The following CCSER1 variants were observed in gnomAD, a reference collection of about 807,000 sequenced individuals.
CCSER1 encodes coiled-coil serine rich protein 1.
Under a neutral mutation model 82.0 loss-of-function variants are expected in CCSER1, and 41 were observed. The observed-to-expected ratio is 0.50, with a 90% CI of 0.39 to 0.65. CCSER1 has a LOEUF of 0.65. Ranked by LOEUF, CCSER1 falls within the 30% of genes least tolerant of loss-of-function variation. The pLI, the probability that CCSER1 is intolerant of heterozygous loss-of-function variation, is 0.00. For synonymous variants in CCSER1, 414 were observed against 383.9 expected, an observed-to-expected ratio of 1.08 and a Z score of -0.92; for missense variants, 1,119 against 1,064.2, an observed-to-expected ratio of 1.05 and a Z score of -0.72.
At chr4:90,197,735 A>T (rs776164553) in intron 1 of CCSER1, among the ~76,000 whole-genome samples, 7 of 151,954 alleles carry the variant, frequency 4.6e-5, no homozygotes, top group Non-Finnish European at 8.8e-5. Context: ...AATCAAAACA[A>T]TTGAATACAG....
intron 10 of CCSER1, among the ~76,000 whole-genome samples, chr4:91,361,828 A>G (rs1361679834): frequency 6.6e-6 from 1 of 151,822 alleles, no homozygotes; most frequent in Non-Finnish European, 1.5e-5. Context: ...GTACTAGACA[A>G]CTTTCCTGCT....
chr4:90,397,736 A>G (rs1006583046), intron 3 of CCSER1, among the ~76,000 whole-genome samples: 2 of 152,196 alleles, frequency 1.3e-5, no homozygotes, highest in Admixed American at 6.5e-5. Context: ...AGTTTGGCTC[A>G]TATAAGAATC....
intron 5 of CCSER1, among the ~76,000 whole-genome samples, chr4:90,578,217 T>C (rs1028174494): frequency 1.3e-5 from 2 of 152,346 alleles, no homozygotes; most frequent in East Asian, 3.9e-4. Context: ...ATTTAATGGG[T>C]TAAAACAATG....
At chr4:90,246,762 A>T (rs1303438145) in intron 1 of CCSER1, among the ~76,000 whole-genome samples, 1 of 152,186 alleles carries the variant, frequency 6.6e-6, no homozygotes, top group Non-Finnish European at 1.5e-5. Flanking sequence ...AATAAAATAG[A>T]ACAATTATAA....
chr4:90,745,021 C>A (rs755570847), intron 7 of CCSER1, among the ~76,000 whole-genome samples: 4 of 151,760 alleles, frequency 2.6e-5, no homozygotes, highest in African/African-American at 4.8e-5. Flanking sequence ...CATATTGCTG[C>A]TGTAACAAAT....
chr4:90,509,368 A>C (rs1454835931), intron 5 of CCSER1, among the ~76,000 whole-genome samples: 1 of 152,122 alleles, frequency 6.6e-6, no homozygotes, highest in East Asian at 1.9e-4. Context: ...AACAAAGAAT[A>C]ATAAGAGTGA....
intron 8 of CCSER1, among the ~76,000 whole-genome samples, chr4:90,879,660 G>A (rs71611406): frequency 1.0e-4 from 15 of 148,010 alleles, no homozygotes; most frequent in Admixed American, 4.7e-4. Flanking sequence ...AAGAAGAAGA[G>A]GAAAGAAGAA....
At chr4:90,917,621 C>T (rs1001278935) in intron 8 of CCSER1, among the ~76,000 whole-genome samples, 1 of 152,074 alleles carries the variant, frequency 6.6e-6, no homozygotes, top group African/African-American at 2.4e-5. Flanking sequence ...ATGTAACAAA[C>T]CTGCACTTTG....
chr4:90,751,017 TA>T (rs1234522071), intron 7 of CCSER1, among the ~76,000 whole-genome samples: 1 of 152,156 alleles, frequency 6.6e-6, no homozygotes, highest in Non-Finnish European at 1.5e-5. Context: ...TAACTTTTTT[TA>T]ACTCTGCTTA....
chr4:90,796,419 A>T (rs769470759), intron 7 of CCSER1, among the ~76,000 whole-genome samples: 12 of 25,630 alleles, frequency 4.7e-4, no homozygotes, highest in Middle Eastern at 9.6e-3. Context: ...TACTAAATTT[A>T]AAAAAAAAAA....
intron 9 of CCSER1, among the ~76,000 whole-genome samples, chr4:91,044,611 T>C (rs1008735358): frequency 4.6e-5 from 7 of 152,202 alleles, no homozygotes; most frequent in African/African-American, 1.7e-4. Flanking sequence ...ATCCATTTCA[T>C]CCACATCAGT....
At chr4:91,262,593 T>C (rs1284155005) in intron 10 of CCSER1, among the ~76,000 whole-genome samples, 1 of 152,008 alleles carries the variant, frequency 6.6e-6, no homozygotes, top group Non-Finnish European at 1.5e-5. Flanking sequence ...TCAATATAGG[T>C]TTAGATTCAT....
intron 1 of CCSER1, among the ~76,000 whole-genome samples, chr4:90,162,944 T>G (rs1258158448): frequency 6.6e-6 from 1 of 152,106 alleles, no homozygotes; most frequent in Non-Finnish European, 1.5e-5. Flanking sequence ...ACAATTTGTG[T>G]CTTTGTCCAG....
chr4:91,572,182 G>T (rs971208993), intron 10 of CCSER1, among the ~76,000 whole-genome samples: 1 of 152,060 alleles, frequency 6.6e-6, no homozygotes, highest in African/African-American at 2.4e-5. Flanking sequence ...TTGTAGGACT[G>T]TTGCAATATA....
rs980022878 is a variant in CCSER1, at chr4:91,272,739, A to C, written c.2217+186745A>C. Among the ~76,000 whole-genome samples, 37 of 152,232 alleles carry C rather than the reference A, an allele frequency of 2.4e-4. 2 individuals carry two copies. Among genetic ancestry groups the C allele is most frequent in the African/African-American group, 8.7e-4 (36 of 41,464 alleles). On this transcript the variant is annotated intron_variant, in intron 10 of 10. Transcript: ENST00000509176. ...TTTTATAGTTTCAGGTCTTAGATTTAAGTCCTTGATTCATCTTGAGTTTAT... is the reference window on the plus strand; with the variant it reads ...TTTTATAGTTTCAGGTCTTAGATTTCAGTCCTTGATTCATCTTGAGTTTAT...
chr4:90,488,431 G>A (rs1004022420), intron 5 of CCSER1, among the ~76,000 whole-genome samples: 13 of 151,930 alleles, frequency 8.6e-5, no homozygotes, highest in Non-Finnish European at 1.3e-4. Context: ...CAGGTGATCC[G>A]CCCCACTCGG....
intron 9 of CCSER1, among the ~76,000 whole-genome samples, chr4:90,946,977 T>C (rs986549531): frequency 2.0e-5 from 3 of 151,938 alleles, no homozygotes; most frequent in Non-Finnish European, 4.4e-5. Flanking sequence ...ACTCTAAGAC[T>C]CAGACTGGTG....
At chr4:91,315,718 A>G (rs945474711) in intron 10 of CCSER1, among the ~76,000 whole-genome samples, 63 of 151,994 alleles carry the variant, frequency 4.1e-4, no homozygotes, top group Non-Finnish European at 1.5e-4. Context: ...AATACTCTAC[A>G]TTTCTAGGCA....
intron 9 of CCSER1, among the ~76,000 whole-genome samples, chr4:91,000,130 G>C (rs1411080303): frequency 6.6e-6 from 1 of 151,862 alleles, no homozygotes; most frequent in South Asian, 2.1e-4. Flanking sequence ...TATCTATTCT[G>C]TTCCATTGGT....
Sources: gnomAD v4.1 joint callset for allele counts (sites outside exome capture counted in the v4.1 genomes callset) on GRCh38, gnomAD v4.1.1 for gene constraint, MANE v1.5 for transcripts, NCBI Gene and HGNC (gene_info 2026-07-23, HGNC 2026-07-21) for gene names.